Variants in TBC1D5 observed in about 807,000 individuals in gnomAD.
The protein encoded by TBC1D5 is TBC1 domain family member 5.
A neutral mutation model predicts 100.3 loss-of-function variants in TBC1D5; 75 were observed. The observed-to-expected ratio is 0.75, with a 90% CI of 0.62 to 0.91. The LOEUF is 0.91. Among genes scored for constraint, TBC1D5 ranks in the 40% least tolerant of loss-of-function variants. TBC1D5 has a pLI of 0.00. For missense variants in TBC1D5, 910 were observed against 942.4 expected, an observed-to-expected ratio of 0.97 and a Z score of 0.45; for synonymous variants, 323 against 325.6, an observed-to-expected ratio of 0.99 and a Z score of 0.09.
chr3:17,397,092 C>G (rs1443803378), intron 8 of TBC1D5, among the ~76,000 whole-genome samples: 1 of 152,048 alleles, frequency 6.6e-6, no homozygotes, highest in South Asian at 2.1e-4. Flanking sequence ...GCCACATATG[C>G]CTGGTATCTA....
chr3:17,331,673 A>C (rs1011876534), intron 13 of TBC1D5, among the ~76,000 whole-genome samples: 5 of 152,226 alleles, frequency 3.3e-5, no homozygotes, highest in African/African-American at 1.2e-4. Context: ...AGGAGCCAGA[A>C]TGTTAATAAA....
chr3:17,549,139 T>C (rs1340637038), intron 2 of TBC1D5, among the ~76,000 whole-genome samples: 2 of 151,826 alleles, frequency 1.3e-5, no homozygotes, highest in Non-Finnish European at 2.9e-5. Flanking sequence ...CTCTACTAAA[T>C]ACAAAAAAAT....
At chr3:17,623,029 T>C (rs1044719398) in intron 2 of TBC1D5, among the ~76,000 whole-genome samples, 1 of 152,198 alleles carries the variant, frequency 6.6e-6, no homozygotes, top group Non-Finnish European at 1.5e-5. Context: ...AAAATTCTGG[T>C]GTGAGTTTCC....
At chr3:17,389,536 G>A (rs1435547365) in intron 8 of TBC1D5, among the ~76,000 whole-genome samples, 1 of 152,042 alleles carries the variant, frequency 6.6e-6, no homozygotes, top group Non-Finnish European at 1.5e-5. Flanking sequence ...ATATGAAAAG[G>A]CCATCGCGGG....
chr3:17,734,189 A>G (rs955697369), intron 1 of TBC1D5, among the ~76,000 whole-genome samples: 2 of 152,252 alleles, frequency 1.3e-5, no homozygotes, highest in Non-Finnish European at 2.9e-5. Flanking sequence ...AGGACTACTT[A>G]TAGTACATTC....
At chr3:17,485,339 T>C (rs1239492459) in intron 3 of TBC1D5, among the ~76,000 whole-genome samples, 1 of 151,114 alleles carries the variant, frequency 6.6e-6, no homozygotes, top group Non-Finnish European at 1.5e-5. Context: ...TTCTTTATTA[T>C]TATTATTATT....
intron 13 of TBC1D5, among the ~76,000 whole-genome samples, chr3:17,315,141 G>A (rs1241528362): frequency 6.6e-6 from 1 of 152,218 alleles, no homozygotes; most frequent in Non-Finnish European, 1.5e-5. Context: ...CTACTCTTGA[G>A]TGTGTATCTT....
At chr3:17,392,502 A>G (rs922540656) in intron 8 of TBC1D5, among the ~76,000 whole-genome samples, 9 of 151,926 alleles carry the variant, frequency 5.9e-5, no homozygotes, top group Non-Finnish European at 1.0e-4. Flanking sequence ...TCCTAACGCT[A>G]TCCTTCCCCT....
chr3:17,297,727 C>T (rs868498938), intron 14 of TBC1D5, among the ~76,000 whole-genome samples: 4 of 151,610 alleles, frequency 2.6e-5, no homozygotes, highest in Middle Eastern at 3.4e-3. Flanking sequence ...GGACTATAGG[C>T]GTGTGCCATC....
At chr3:17,314,722 G>T (rs957202987) in intron 13 of TBC1D5, among the ~76,000 whole-genome samples, 1 of 152,178 alleles carries the variant, frequency 6.6e-6, no homozygotes, top group African/African-American at 2.4e-5. Flanking sequence ...TGGACAAGGT[G>T]ACAGATTCCT....
In TBC1D5 at chr3:17,304,026, CCTT is replaced by C. The variant is rs201911473; in HGVS notation, c.1138+3963_1138+3965del. Among the ~76,000 whole-genome samples, 24 of 152,110 alleles carry C rather than the reference CCTT, an allele frequency of 1.6e-4. No homozygotes were observed. The East Asian group carries it at 4.4e-3, about 28-fold the overall frequency. On this transcript the variant is annotated intron_variant, in intron 14 of 21. Coordinates refer to ENST00000253692, the Ensembl canonical transcript of TBC1D5. Reference sequence around the variant, plus strand: ...CTCACAGTGGATAACCTTGTTTCCTCCTTTATCAGATATGGAATTCCTCCATTC... The same window carrying C: ...CTCACAGTGGATAACCTTGTTTCCTCTATCAGATATGGAATTCCTCCATTC...
intron 1 of TBC1D5, among the ~76,000 whole-genome samples, chr3:17,627,516 G>C (rs2063153386): frequency 6.6e-6 from 1 of 152,148 alleles, no homozygotes; most frequent in Non-Finnish European, 1.5e-5. Context: ...GACTATATAA[G>C]AGAGTTCCAG....
chr3:17,336,710 GA>G (rs561038855), intron 13 of TBC1D5, among the ~76,000 whole-genome samples: 51 of 142,006 alleles, frequency 3.6e-4, no homozygotes, highest in South Asian at 3.5e-3. Flanking sequence ...TAGCATCACT[GA>G]AAAAAAAAAA....
intron 1 of TBC1D5, among the ~76,000 whole-genome samples, chr3:17,714,537 G>A (rs2153946474): frequency 6.6e-6 from 1 of 152,294 alleles, no homozygotes; most frequent in African/African-American, 2.4e-5. Flanking sequence ...TCTTCTGTTT[G>A]CTGGGTTTGT....
intron 3 of TBC1D5, among the ~76,000 whole-genome samples, chr3:17,439,778 T>TA (rs2094610022): frequency 6.6e-6 from 1 of 152,308 alleles, no homozygotes; most frequent in South Asian, 2.1e-4. Flanking sequence ...TAACTAGAAA[T>TA]ATGTCAATAT....
Position 17,687,501 on chromosome 3 carries a change from AG to A in TBC1D5, c.-101+51841del, listed in dbSNP as rs869167144. 2.0e-5 allele frequency among the ~76,000 whole-genome samples: 3 copies of A among 152,234 alleles called. No homozygotes were observed. The East Asian group carries it at 5.8e-4, about 29-fold the overall frequency. ...ATAATAATCAAATAATAACAAGGAG[AG>A]GGGGAAAAAAGGAGGGAGGAGACAA... On this transcript the variant is annotated intron_variant, in intron 1 of 21. Transcript: ENST00000253692.
chr3:17,323,694 G>C (rs1196701206), intron 13 of TBC1D5, among the ~76,000 whole-genome samples: 2 of 152,032 alleles, frequency 1.3e-5, no homozygotes, highest in East Asian at 3.8e-4. Context: ...GCCCTAAATA[G>C]AAAGTTACAC....
chr3:17,476,776 A>G (rs906853163), intron 3 of TBC1D5, among the ~76,000 whole-genome samples: 2 of 151,934 alleles, frequency 1.3e-5, no homozygotes, highest in Non-Finnish European at 2.9e-5. Flanking sequence ...ATGTCTTCCA[A>G]TGAAGTTTCA....
intron 4 of TBC1D5, among the ~76,000 whole-genome samples, chr3:17,409,609 G>A (rs1235216954): frequency 6.6e-6 from 1 of 152,028 alleles, no homozygotes. Context: ...GTTCTTGAAG[G>A]AACTCAAAAG....
Sources: gnomAD v4.1 joint callset for allele counts (sites outside exome capture counted in the v4.1 genomes callset) on GRCh38, gnomAD v4.1.1 for gene constraint, MANE v1.5 for transcripts, NCBI Gene and HGNC (gene_info 2026-07-23, HGNC 2026-07-21) for gene names.